The following MSI2 variants were observed in gnomAD, a reference collection of about 807,000 sequenced individuals.
MSI2 encodes RNA-binding protein Musashi homolog 2.
In MSI2, 17 loss-of-function variants were observed where a neutral mutation model predicts 45.6. That is an observed-to-expected ratio of 0.37 (90% confidence interval 0.26 to 0.56). The LOEUF (loss-of-function observed/expected upper bound fraction) is 0.56. Among genes scored for constraint, MSI2 ranks in the 20% least tolerant of loss-of-function variants. MSI2 has a pLI of 0.77. For synonymous variants in MSI2, 156 were observed against 158.2 expected, an observed-to-expected ratio of 0.99 and a Z score of 0.11; for missense variants, 293 against 444.2, an observed-to-expected ratio of 0.66 and a Z score of 3.06.
chr17:57,458,242 G>A (rs970386556), intron 6 of MSI2, among the ~76,000 whole-genome samples: 14 of 151,608 alleles, frequency 9.2e-5, no homozygotes, highest in Non-Finnish European at 1.8e-4. Flanking sequence ...CTGGGACTAC[G>A]GGCGCCCACC....
chr17:57,398,816 G>A (rs1215829471), intron 5 of MSI2, among the ~76,000 whole-genome samples: 2 of 152,018 alleles, frequency 1.3e-5, no homozygotes, highest in African/African-American at 4.8e-5. Flanking sequence ...TGTATCTGTT[G>A]AATGAATACA....
chr17:57,335,354 C>G (rs1023717860), intron 5 of MSI2, among the ~76,000 whole-genome samples: 1 of 152,230 alleles, frequency 6.6e-6, no homozygotes, highest in Non-Finnish European at 1.5e-5. Context: ...TGCCTTTACA[C>G]CAGCCAGCTC....
At chr17:57,650,417 G>A (rs1031345088) in intron 10 of MSI2, among the ~76,000 whole-genome samples, 15 of 152,188 alleles carry the variant, frequency 9.9e-5, no homozygotes, top group Non-Finnish European at 1.8e-4. Context: ...TGTTTCTTCA[G>A]CAATTTCTGC....
chr17:57,631,674 C>T (rs111800943), intron 10 of MSI2: 12 of 884,606 alleles, frequency 1.4e-5, no homozygotes, highest in East Asian at 2.7e-5. Context: ...ATCAGGATCC[C>T]GTCTTGAATT....
At chr17:57,645,593 G>A (rs1020085020) in intron 10 of MSI2, among the ~76,000 whole-genome samples, 7 of 150,668 alleles carry the variant, frequency 4.6e-5, no homozygotes, top group East Asian at 1.9e-4. Context: ...CCACCACCAC[G>A]CCTGGCTAGC....
At chr17:57,352,586 A>G (rs191128121) in intron 5 of MSI2, among the ~76,000 whole-genome samples, 10 of 152,298 alleles carry the variant, frequency 6.6e-5, no homozygotes, top group African/African-American at 2.4e-4. Flanking sequence ...CATGCTCACA[A>G]AGGTCTGTGA....
At chr17:57,659,303 T>C (rs1377092026) in intron 11 of MSI2, among the ~76,000 whole-genome samples, 5 of 152,032 alleles carry the variant, frequency 3.3e-5, no homozygotes, top group Admixed American at 2.6e-4. Context: ...ACTATATTGC[T>C]CAAGCTGGTC....
intron 7 of MSI2, among the ~76,000 whole-genome samples, chr17:57,578,840 G>A (rs529827009): frequency 2.0e-5 from 3 of 152,170 alleles, no homozygotes; most frequent in East Asian, 1.9e-4. Context: ...GTGATGATGC[G>A]GGGTTGTTTT....
intron 6 of MSI2, among the ~76,000 whole-genome samples, chr17:57,498,642 C>T (rs1402544997): frequency 6.6e-6 from 1 of 152,216 alleles, no homozygotes; most frequent in Non-Finnish European, 1.5e-5. Flanking sequence ...GCGGGGAGCT[C>T]AGCTTCTCTG....
chr17:57,676,924 AGAATATGACAATCTGTTCCCATGT>A, intron 12 of MSI2, 39 bp from the exon 13 acceptor site: 1 of 1,077,246 alleles, frequency 9.3e-7, no homozygotes, highest in Non-Finnish European at 1.5e-6. Flanking sequence ...TTCCTTTCCC[AGAATATGACAATCTGTTCCCATGT>A]ATAGCACACT....
intron 10 of MSI2, among the ~76,000 whole-genome samples, chr17:57,646,861 G>A (rs1910705533): frequency 6.6e-6 from 1 of 152,096 alleles, no homozygotes; most frequent in South Asian, 2.1e-4. Flanking sequence ...CCAAACAGAG[G>A]AGCATAACAC....
intron 6 of MSI2, among the ~76,000 whole-genome samples, chr17:57,453,691 C>T (rs9898141): frequency 0.17 from 26,012 of 152,160 alleles, 2,475 homozygotes; most frequent in East Asian, 0.22. Context: ...ATTATCGGAA[C>T]GCCAAGCTTG....
At chr17:57,615,047 T>C (rs772852884) in intron 8 of MSI2, among the ~76,000 whole-genome samples, 1 of 152,130 alleles carries the variant, frequency 6.6e-6, no homozygotes, top group Non-Finnish European at 1.5e-5. Context: ...AATGTGGCAT[T>C]GCTGACCTAG....
chr17:57,585,783 T>C (rs1363897073), intron 7 of MSI2, among the ~76,000 whole-genome samples: 3 of 152,248 alleles, frequency 2.0e-5, no homozygotes, highest in African/African-American at 7.2e-5. Context: ...TTGAGAATCC[T>C]TGAAGGCCAT....
Position 57,680,078 on chromosome 17 carries a change from T to C in MSI2, c.*561T>C, listed in dbSNP as rs1433320158. On this transcript the variant is annotated 3_prime_UTR_variant, in exon 14 of 14. Transcript: ENST00000284073. ...TTTCAGGTGGAACTTTAGCACACAC[T>C]GAAGCAAAGTTGTGAAGTGCAGGGC... The C allele has an allele frequency of 4.4e-6, 1 of 228,382 alleles. No homozygotes were observed. Among genetic ancestry groups the C allele is most frequent in the East Asian group, 6.3e-5 (1 of 15,976 alleles). 14.1% of individuals were successfully genotyped at this position (228,382 alleles called of 1,614,324 possible).
intron 5 of MSI2, among the ~76,000 whole-genome samples, chr17:57,366,223 T>C (rs961155011): frequency 1.3e-5 from 2 of 152,178 alleles, no homozygotes; most frequent in African/African-American, 4.8e-5. Flanking sequence ...TTGGCTATTA[T>C]TATCCCAACT....
At chr17:57,631,823 A>G (rs1478262798) in intron 10 of MSI2, 2 of 1,613,726 alleles carry the variant, frequency 1.2e-6, no homozygotes, top group South Asian at 1.1e-5. Context: ...CATAATTTTT[A>G]TCAACTAGCT....
intron 5 of MSI2, among the ~76,000 whole-genome samples, chr17:57,275,629 T>C (rs1908771756): frequency 6.6e-6 from 1 of 152,146 alleles, no homozygotes; most frequent in South Asian, 2.1e-4. Context: ...TCATGTCCAC[T>C]GGGTGGAATT....
At chr17:57,694,669 A>G in the MSI2 span, among the ~76,000 whole-genome samples, 1 of 152,198 alleles carries the variant, frequency 6.6e-6, no homozygotes, top group Non-Finnish European at 1.5e-5. Context: ...TGCTAAACCT[A>G]TCACAGATCT....
Sources: gnomAD v4.1 joint callset for allele counts (sites outside exome capture counted in the v4.1 genomes callset) on GRCh38, gnomAD v4.1.1 for gene constraint, MANE v1.5 for transcripts, NCBI Gene and HGNC (gene_info 2026-07-23, HGNC 2026-07-21) for gene names.